The following DNAH14 variants were observed in gnomAD, a reference collection of about 807,000 sequenced individuals.
DNAH14 encodes the protein axonemal beta dynein heavy chain 14.
DNAH14 carries 478 observed loss-of-function variants against 520.9 expected under a neutral mutation model. The ratio of observed to expected loss-of-function variants is 0.92; its 90% CI spans 0.85 to 0.99. DNAH14 has a LOEUF of 0.99. Among genes scored for constraint, DNAH14 ranks in the 50% least tolerant of loss-of-function variants. The pLI is 0.00. For missense variants in DNAH14, 4,831 were observed against 5,234.5 expected (o/e 0.92, Z 2.38); for synonymous variants, 1,581 against 1,757.2 (o/e 0.90, Z 2.51).
chr1:225,078,817 T>C (rs1478280096), intron 17 of DNAH14, among the ~76,000 whole-genome samples: 91 of 36,682 alleles, frequency 2.5e-3, no homozygotes, highest in Admixed American at 3.3e-3. Flanking sequence ...TCTCTCTCTC[T>C]CTCTCTCCCT....
At chr1:224,951,951 C>T (rs951290761) in intron 1 of DNAH14, among the ~76,000 whole-genome samples, 4 of 152,168 alleles carry the variant, frequency 2.6e-5, no homozygotes, top group African/African-American at 7.2e-5. Context: ...CATTTCTATT[C>T]TAGTAAGAAC....
At chr1:225,107,063 T>A (rs1451726036) in intron 23 of DNAH14, among the ~76,000 whole-genome samples, 1 of 152,238 alleles carries the variant, frequency 6.6e-6, no homozygotes, top group Non-Finnish European at 1.5e-5. Flanking sequence ...TTGGTGTGGA[T>A]GTCCTTTCTG....
chr1:224,988,181 T>C (rs930582171), intron 8 of DNAH14, among the ~76,000 whole-genome samples: 1 of 152,166 alleles, frequency 6.6e-6, no homozygotes, highest in Non-Finnish European at 1.5e-5. Context: ...GTTAGTTTGC[T>C]GATGATAATG....
intron 36 of DNAH14, among the ~76,000 whole-genome samples, chr1:225,180,885 G>A (rs1388730642): frequency 6.6e-6 from 1 of 152,158 alleles, no homozygotes; most frequent in Non-Finnish European, 1.5e-5. Flanking sequence ...TGGTTATATT[G>A]TGTGATGCTG....
At chr1:225,017,651 C>A (rs1231544095) in intron 10 of DNAH14, among the ~76,000 whole-genome samples, 1 of 152,222 alleles carries the variant, frequency 6.6e-6, no homozygotes, top group Non-Finnish European at 1.5e-5. Context: ...CGATGGTCAC[C>A]CTGCAACCCC....
intron 17 of DNAH14, among the ~76,000 whole-genome samples, chr1:225,062,893 A>C (rs1384456342): frequency 6.6e-6 from 1 of 152,222 alleles, no homozygotes; most frequent in Non-Finnish European, 1.5e-5. Context: ...TTTAAATGAA[A>C]ACAGCAAAAA....
chr1:225,192,320 A>G (rs989755489), intron 37 of DNAH14, among the ~76,000 whole-genome samples: 4 of 152,150 alleles, frequency 2.6e-5, no homozygotes, highest in Non-Finnish European at 5.9e-5. Context: ...ATTGCAAATC[A>G]GGTTAATTTC....
intron 10 of DNAH14, 110 bp downstream of exon 10, chr1:225,007,654 A>G: frequency 1.1e-6 from 1 of 930,752 alleles, no homozygotes; most frequent in South Asian, 2.1e-5. Flanking sequence ...GTAAGGAACA[A>G]AGGTGGTTAA....
At chr1:225,077,072 G>A (rs2072383011) in intron 17 of DNAH14, among the ~76,000 whole-genome samples, 1 of 152,002 alleles carries the variant, frequency 6.6e-6, no homozygotes, top group South Asian at 2.1e-4. Flanking sequence ...CTCATAGGTG[G>A]GAATTGAACA....
At chr1:224,953,666 C>T (rs1217251653) in intron 2 of DNAH14, among the ~76,000 whole-genome samples, 1 of 151,824 alleles carries the variant, frequency 6.6e-6, no homozygotes. Context: ...ATAGACTTGG[C>T]GTTATAGGTT....
chr1:225,335,164 T>TACATGTGC (rs1558423739), intron 66 of DNAH14, among the ~76,000 whole-genome samples: 1 of 148,776 alleles, frequency 6.7e-6, no homozygotes, highest in African/African-American at 2.5e-5. Flanking sequence ...TGTGCATGTG[T>TACATGTGC]GCATGTGTAC....
intron 8 of DNAH14, among the ~76,000 whole-genome samples, chr1:224,991,936 A>G (rs1437360158): frequency 6.6e-6 from 1 of 152,208 alleles, no homozygotes; most frequent in Non-Finnish European, 1.5e-5. Flanking sequence ...ACATGGTTGC[A>G]GTTTAATTCT....
chr1:225,126,516 T>G (rs566673207), intron 27 of DNAH14, among the ~76,000 whole-genome samples: 14 of 152,338 alleles, frequency 9.2e-5, no homozygotes, highest in Admixed American at 2.0e-4. Flanking sequence ...TAGTATTCTC[T>G]GATGGTAGTT....
chr1:225,386,462 A>C (rs1162483866), intron 81 of DNAH14, among the ~76,000 whole-genome samples: 1 of 152,230 alleles, frequency 6.6e-6, no homozygotes, highest in South Asian at 2.1e-4. Context: ...AATGGGAGAA[A>C]ATTTTTGCAA....
At chr1:225,273,731 C>G (rs193142236) in intron 52 of DNAH14, among the ~76,000 whole-genome samples, 26 of 152,282 alleles carry the variant, frequency 1.7e-4, no homozygotes, top group African/African-American at 6.0e-4. Context: ...CCTTCTCCGT[C>G]TCTTTGAACT....
intron 8 of DNAH14, 27 bp downstream of exon 8, chr1:224,974,180 A>C (rs2061665648): frequency 7.1e-7 from 1 of 1,411,812 alleles, no homozygotes; most frequent in East Asian, 2.7e-5. Context: ...AATATATAAA[A>C]ATTTCAAAAG....
At chr1:225,346,428 G>A (rs1305033881) in intron 70 of DNAH14, 28 bp from the exon 71 acceptor site, 1 of 1,533,548 alleles carries the variant, frequency 6.5e-7, no homozygotes, top group Non-Finnish European at 8.8e-7. Flanking sequence ...TAATCTCACT[G>A]GATTAATATG....
Position 225,259,258 on chromosome 1 carries a change from T to C in DNAH14, c.7157+5T>C. 1 of 1,427,922 alleles carries C rather than the reference T, an allele frequency of 7.0e-7. No homozygotes were observed. The highest frequency in any genetic ancestry group is 9.3e-7 in the Non-Finnish European group (1 of 1,080,458). The allele number at this position is 1,427,922 out of a possible 1,614,324, so 88.5% of individuals were successfully genotyped here. A position where few individuals can be genotyped will look rare whatever the true frequency, so the allele number is the denominator to read the frequency against. ...TAGTGAAATAAAAAAATCAAGGTTG[T>C]ATATACTAACTTCTAAATTTGATTT... On this transcript the variant is annotated splice_donor_5th_base_variant and intron_variant, in intron 46 of 85. Transcript: ENST00000682510.
chr1:225,028,486 T>C (rs2066295161), intron 11 of DNAH14, among the ~76,000 whole-genome samples: 1 of 152,038 alleles, frequency 6.6e-6, no homozygotes, highest in South Asian at 2.1e-4. Context: ...TTCTCTATCA[T>C]TACAGATTTT....
Sources: allele counts gnomAD v4.1 joint callset (sites outside exome capture counted in the v4.1 genomes callset), GRCh38; gene constraint gnomAD v4.1.1; transcripts MANE v1.5; gene names NCBI Gene and HGNC (gene_info 2026-07-23, HGNC 2026-07-21).